The following DST variants were observed in gnomAD, a reference collection of about 807,000 sequenced individuals.
DST encodes the protein dystonin.
In DST, 253 loss-of-function variants were observed where a neutral mutation model predicts 875.2. The ratio of observed to expected loss-of-function variants is 0.29; its 90% CI spans 0.26 to 0.32. The LOEUF (loss-of-function observed/expected upper bound fraction) is 0.32, where lower values mean the gene tolerates loss of function less well. DST is among the 10% of genes least tolerant of loss of function. DST has a pLI of 1.00. For missense variants in DST, 8,287 were observed against 9,111.6 expected, an observed-to-expected ratio of 0.91 and a Z score of 3.68; for synonymous variants, 3,124 against 3,197.1, an observed-to-expected ratio of 0.98 and a Z score of 0.77.
chr6:56,519,587 T>A (rs2096657711), intron 69 of DST, among the ~76,000 whole-genome samples: 1 of 152,058 alleles, frequency 6.6e-6, no homozygotes. Flanking sequence ...AGAGTCAGGA[T>A]CTTCATCATC....
chr6:56,918,121 T>C (rs1802205072), intron 2 of DST, among the ~76,000 whole-genome samples: 1 of 148,906 alleles, frequency 6.7e-6, no homozygotes, highest in Non-Finnish European at 1.5e-5. Context: ...AGGTGTACAT[T>C]CTTTTTTTTT....
chr6:56,639,870 T>C lies in DST; in HGVS notation c.2619+59A>G, dbSNP rs144408522. On this transcript the variant is annotated intron_variant, in intron 19 of 103. Transcript: ENST00000680361. Reference sequence around the variant, plus strand: ...ATTATTGATTTACAGGGTCTTCATGTAAAAAGCAAAACAAGAGTAAACTAA... The same window carrying C: ...ATTATTGATTTACAGGGTCTTCATGCAAAAAGCAAAACAAGAGTAAACTAA... 524 of 1,599,898 alleles carry C rather than the reference T, an allele frequency of 3.3e-4. 4 individuals carry two copies. In the African/African-American group the frequency reaches 6.3e-3, roughly 19 times the overall value.
chr6:56,667,293 G>A (rs1350104421), intron 10 of DST, among the ~76,000 whole-genome samples: 1 of 152,122 alleles, frequency 6.6e-6, no homozygotes, highest in African/African-American at 2.4e-5. Context: ...TTATAATTTT[G>A]TCTCTTTTTT....
At chr6:56,940,225 C>T (rs1042596370) in intron 2 of DST, among the ~76,000 whole-genome samples, 15 of 149,534 alleles carry the variant, frequency 1.0e-4, no homozygotes, top group Admixed American at 8.6e-4. Context: ...CACACACACA[C>T]ACACACACAC....
intron 53 of DST, among the ~76,000 whole-genome samples, chr6:56,571,017 A>G (rs940531491): frequency 6.6e-6 from 1 of 152,220 alleles, no homozygotes; most frequent in African/African-American, 2.4e-5. Context: ...CAAGTCTCCC[A>G]AAATGAGTTG....
intron 3 of DST, among the ~76,000 whole-genome samples, chr6:56,874,290 G>C (rs1304017181): frequency 6.6e-6 from 1 of 152,070 alleles, no homozygotes; most frequent in African/African-American, 2.4e-5. Context: ...AGAGAGCTAT[G>C]AGTGCACCAC....
intron 4 of DST, among the ~76,000 whole-genome samples, chr6:56,784,548 G>A (rs1478408197): frequency 6.6e-6 from 1 of 152,140 alleles, no homozygotes; most frequent in Admixed American, 6.5e-5. Context: ...TCTTCACGTA[G>A]TTCTCGAGCC....
At position 56,501,392 on chromosome 6, in the gene DST, C is replaced by T. The variant is rs146941321; in HGVS notation, c.19740+128G>A. On this transcript the variant is annotated intron_variant, in intron 79 of 103. Coordinates refer to ENST00000680361, the MANE Select transcript of DST (RefSeq NM_001374736.1). ...ATATCCTTCTATGTTTTAAGTTTGA[C>T]GCTCCTCATGGTTAAAATAGAATAT... 872 of 1,115,328 alleles carry T rather than the reference C, an allele frequency of 7.8e-4. 13 individuals carry two copies. The East Asian group carries it at 0.023, about 30-fold the overall frequency. The allele number at this position is 1,115,328 out of a possible 1,614,324, so 69.1% of individuals were successfully genotyped here. A position where few individuals can be genotyped will look rare whatever the true frequency, so the allele number is the denominator to read the frequency against.
In DST at chr6:56,630,321, TAG is replaced by T; in HGVS notation, c.4203_4204del (p.Tyr1402Ter). ...TTCTTCTTCACACAGTTTAGTTTCATAGAGTTTTACGAGGGCTTCTGCAGCTT... is the reference window on the plus strand; with the variant it reads ...TTCTTCTTCACACAGTTTAGTTTCATAGTTTTACGAGGGCTTCTGCAGCTT... On this transcript the variant is annotated frameshift_variant, in exon 31 of 104. Transcript: ENST00000680361. LOFTEE classifies it high-confidence loss of function. 6.2e-7 allele frequency: 1 copy of T among 1,612,732 alleles called. No individual in the cohort carries two copies. The highest frequency in any genetic ancestry group is 8.5e-7 in the Non-Finnish European group (1 of 1,179,568).
At chr6:56,562,051 T>C in intron 56 of DST, 87 bp downstream of exon 56, 2 of 753,592 alleles carry the variant, frequency 2.7e-6, no homozygotes, top group African/African-American at 1.8e-5. Flanking sequence ...GAAATTTCAA[T>C]ATAACTACTG....
chr6:56,875,833 T>C (rs1316287656), intron 3 of DST, among the ~76,000 whole-genome samples: 1 of 151,776 alleles, frequency 6.6e-6, no homozygotes, highest in African/African-American at 2.4e-5. Flanking sequence ...TCAAGCCCCA[T>C]GGGCAACTCT....
rs779256776 is a variant in DST, at chr6:56,557,306, A to T, written c.14640+13T>A. 1.2e-5 allele frequency: 20 copies of T among 1,607,712 alleles called. No homozygotes were observed. The highest frequency in any genetic ancestry group is 1.6e-5 in the Non-Finnish European group (19 of 1,177,868). ...TGCTATGCACGAGAGACAGGTTATT[A>T]GGTAATACTCACCTGCACCTGCTGC... On this transcript the variant is annotated intron_variant, in intron 59 of 103. Coordinates refer to ENST00000680361, the MANE Select transcript of DST (RefSeq NM_001374736.1).
chr6:56,771,254 C>T (rs2099661102), intron 4 of DST, among the ~76,000 whole-genome samples: 1 of 151,854 alleles, frequency 6.6e-6, no homozygotes, highest in South Asian at 2.1e-4. Context: ...ATAAATATTA[C>T]CTTAGAAATC....
chr6:56,477,361 C>T lies in DST; in HGVS notation c.21659G>A (p.Arg7220Gln), dbSNP rs765541556. The change falls in exon 91 of 104, where the codon CGG becomes CAG. Residue 7220 changes from arginine to glutamine, a missense_variant. Coordinates refer to ENST00000680361, the MANE Select transcript of DST (RefSeq NM_001374736.1). ...CACACTGACCTCCTCAAACCTCGCC[C>T]GGATGATTGTTATCCAGTGCTTAAT... ...TTIKHWITII[R>Q]ARFEEVLAWA... The T allele has an allele frequency of 1.2e-5, 19 of 1,613,880 alleles. No homozygotes were observed. The highest frequency in any genetic ancestry group is 1.4e-5 in the Non-Finnish European group (16 of 1,179,824).
chr6:56,915,542 A>C (rs1800506371), intron 2 of DST, among the ~76,000 whole-genome samples: 1 of 152,170 alleles, frequency 6.6e-6, no homozygotes, highest in South Asian at 2.1e-4. Flanking sequence ...AGCACAAAAT[A>C]CGGGGGTGGA....
At chr6:56,521,081 T>A (rs1483582886) in intron 69 of DST, among the ~76,000 whole-genome samples, 1 of 152,076 alleles carries the variant, frequency 6.6e-6, no homozygotes, top group African/African-American at 2.4e-5. Flanking sequence ...TTGATCAATA[T>A]GAAAACAAAA....
chr6:56,660,623 A>G (rs940138614), intron 10 of DST, among the ~76,000 whole-genome samples: 3 of 151,694 alleles, frequency 2.0e-5, no homozygotes, highest in Admixed American at 6.6e-5. Flanking sequence ...CAAAAAAAAA[A>G]AAAGAAAAAA....
chr6:56,550,594 C>T (rs2097305430), intron 61 of DST, among the ~76,000 whole-genome samples: 1 of 152,202 alleles, frequency 6.6e-6, no homozygotes, highest in Admixed American at 6.5e-5. Flanking sequence ...AAAGGGGAGA[C>T]ACCCGCAAAT....
In DST at chr6:56,552,686, T is replaced by C; in HGVS notation, c.16106A>G (p.Gln5369Arg). ...TAAGAAAGAACACTTTTCATCAACC[T>C]GCTGACTTAGTGTACTATGCTCTTG... ...IAQEHSTLSQ[Q>R]VDEKCSFLET... is the part of the protein sequence containing the mutation. The change falls in exon 61 of 104, where the codon CAG (glutamine) becomes CGG (arginine). Residue 5369 changes from glutamine (Q) to arginine (R), a missense_variant. Coordinates refer to ENST00000680361, the MANE Select transcript of DST (RefSeq NM_001374736.1). The C allele has an allele frequency of 1.2e-6, 2 of 1,613,724 alleles. No homozygotes were observed. The highest frequency in any genetic ancestry group is 1.7e-6 in the Non-Finnish European group (2 of 1,179,886).
Sources: allele counts gnomAD v4.1 joint callset (sites outside exome capture counted in the v4.1 genomes callset), GRCh38; gene constraint gnomAD v4.1.1; transcripts MANE v1.5; gene names NCBI Gene and HGNC (gene_info 2026-07-23, HGNC 2026-07-21).